The following WAPL variants were observed in gnomAD, a reference collection of about 807,000 sequenced individuals.
WAPL encodes wings apart-like protein homolog.
Under a neutral mutation model 121.0 loss-of-function variants are expected in WAPL, and 5 were observed. The ratio of observed to expected loss-of-function variants is 0.04; its 90% CI spans 0.02 to 0.09. WAPL has a LOEUF of 0.09. Among genes scored for constraint, WAPL ranks in the 10% least tolerant of loss-of-function variants. The pLI, the probability that WAPL is intolerant of heterozygous loss-of-function variation, is 1.00. For missense variants in WAPL, 999 were observed against 1,410.8 expected (o/e 0.71, Z 4.68); for synonymous variants, 480 against 481.5 (o/e 1.00, Z 0.04).
rs1849346914 is a variant in WAPL at position 86,437,284 on chromosome 10, T to C, written c.*259A>G. ...AGGGTATAAACTCTGCCAAAGTAAA[T>C]GTATTTAAATACTGCATGGAATTGT... On this transcript the variant is annotated 3_prime_UTR_variant, in exon 19 of 19. Coordinates refer to ENST00000298767, the MANE Select transcript of WAPL (RefSeq NM_015045.5). 2 of 388,808 alleles carry C rather than the reference T, an allele frequency of 5.1e-6. No individual in the cohort carries two copies. The highest frequency in any genetic ancestry group is 4.6e-5 in the South Asian group (1 of 21,898). 24.1% of individuals were successfully genotyped at this position (388,808 alleles called of 1,614,324 possible).
chr10:86,511,756 C>T (rs1033219664), intron 2 of WAPL, among the ~76,000 whole-genome samples: 2 of 152,104 alleles, frequency 1.3e-5, no homozygotes, highest in Admixed American at 6.5e-5. Flanking sequence ...CATACTGAGA[C>T]ACGGTCTCTA....
Position 86,472,823 on chromosome 10 carries a change from T to C in WAPL, c.1741-59A>G. On this transcript the variant is annotated intron_variant, in intron 5 of 18. Transcript: ENST00000298767. The surrounding 1 kb of genome is among the most constrained non-coding windows in gnomAD (Gnocchi z 4.2). The stretch of plus-strand genomic sequence containing the variant: ...ATAAATATATAAAAATAGGAACGTC[T>C]CATCTATCTGGCAAATTCAGCTTCA... The C allele has an allele frequency of 6.8e-7, 1 of 1,464,960 alleles. No homozygotes were observed. The highest frequency in any genetic ancestry group is 2.5e-5 in the East Asian group (1 of 39,862). The allele number at this position is 1,464,960 out of a possible 1,614,324, so 90.7% of individuals were successfully genotyped here.
In WAPL at chr10:86,435,355, C is replaced by T. The variant is rs934565357; in HGVS notation, c.*2188G>A. 5.2e-5 allele frequency: 8 copies of T among 152,532 alleles called. No homozygotes were observed. Among genetic ancestry groups the T allele is most frequent in the African/African-American group, 1.9e-4 (8 of 41,406 alleles). The allele number at this position is 152,532 out of a possible 1,614,324, so 9.4% of individuals were successfully genotyped here. A position where few individuals can be genotyped will look rare whatever the true frequency, so the allele number is the denominator to read the frequency against. On this transcript the variant is annotated 3_prime_UTR_variant, in exon 19 of 19. Transcript: ENST00000298767. ...ACAAACTATTTTTTCCTGCCGTTGG[C>T]TTTTGCTCCAAAGATCACAGCTGAG...
intron 16 of WAPL, among the ~76,000 whole-genome samples, chr10:86,445,383 G>A (rs1167966689): frequency 6.6e-6 from 1 of 152,178 alleles, no homozygotes; most frequent in Non-Finnish European, 1.5e-5. Context: ...AGGGCGGACT[G>A]AACTTAAATT....
intron 4 of WAPL, among the ~76,000 whole-genome samples, chr10:86,486,165 A>G (rs1330846350): frequency 6.6e-6 from 1 of 152,210 alleles, no homozygotes; most frequent in Non-Finnish European, 1.5e-5. Context: ...CCACATGATG[A>G]CTGGATCTCA....
chr10:86,505,315 T>TTTTTTTTTTTG, intron 2 of WAPL, among the ~76,000 whole-genome samples: 1 of 140,620 alleles, frequency 7.1e-6, no homozygotes. Flanking sequence ...TTTTTTTTTT[T>TTTTTTTTTTTG]TTTTTTTTTT....
At chr10:86,497,697 G>T (rs1329703880) in intron 3 of WAPL, among the ~76,000 whole-genome samples, 1 of 152,124 alleles carries the variant, frequency 6.6e-6, no homozygotes, top group African/African-American at 2.4e-5. Context: ...AACATCATGC[G>T]TATCTACCTG....
chr10:86,514,846 C>A (rs922760303), intron 2 of WAPL, among the ~76,000 whole-genome samples: 1 of 152,228 alleles, frequency 6.6e-6, no homozygotes, highest in Admixed American at 6.5e-5. Context: ...ATGCCCCATT[C>A]CTCAAAAGAC....
At chr10:86,470,372 T>TA (rs1243525458) in intron 8 of WAPL, among the ~76,000 whole-genome samples, 5 of 152,190 alleles carry the variant, frequency 3.3e-5, no homozygotes, top group Non-Finnish European at 7.3e-5. Flanking sequence ...ACCTAATCTG[T>TA]ATTTAGAACA....
chr10:86,444,349 A>G (rs1468362230), intron 16 of WAPL, among the ~76,000 whole-genome samples: 1 of 152,242 alleles, frequency 6.6e-6, no homozygotes, highest in Admixed American at 6.5e-5. Flanking sequence ...TCCTAGGTAT[A>G]AATCCAAAAG....
intron 15 of WAPL, 135 bp from the exon 16 acceptor site, chr10:86,446,584 T>C (rs1849625091): frequency 2.0e-6 from 2 of 1,012,622 alleles, no homozygotes; most frequent in African/African-American, 1.6e-5. Context: ...GAGGTGAGTA[T>C]AAGTAAAAGC....
At chr10:86,458,372 G>A (rs1390132111) in intron 12 of WAPL, among the ~76,000 whole-genome samples, 1 of 152,148 alleles carries the variant, frequency 6.6e-6, no homozygotes, top group Non-Finnish European at 1.5e-5. Context: ...TAATTGTGAT[G>A]AAATGTGGGA....
At chr10:86,484,514 AAAAC>A (rs1313442338) in intron 4 of WAPL, among the ~76,000 whole-genome samples, 2 of 152,202 alleles carry the variant, frequency 1.3e-5, no homozygotes, top group African/African-American at 4.8e-5. Flanking sequence ...CAAAAAGAAA[AAAAC>A]AAGCCATTAC....
At chr10:86,479,343 C>T (rs1421078681) in intron 4 of WAPL, among the ~76,000 whole-genome samples, 6 of 152,096 alleles carry the variant, frequency 3.9e-5, no homozygotes, top group Non-Finnish European at 8.8e-5. Context: ...CTGTAACCTG[C>T]GCCTCCCGGG....
At chr10:86,490,994 C>T (rs988473923) in intron 4 of WAPL, among the ~76,000 whole-genome samples, 5 of 151,236 alleles carry the variant, frequency 3.3e-5, no homozygotes, top group African/African-American at 4.9e-5. Context: ...ACCCAGGAGG[C>T]GGAGGTTGCA....
chr10:86,512,813 A>C (rs763904349), intron 2 of WAPL, among the ~76,000 whole-genome samples: 3 of 152,212 alleles, frequency 2.0e-5, no homozygotes, highest in Non-Finnish European at 4.4e-5. Context: ...AAGATCTGCC[A>C]GATACAACTA....
At chr10:86,483,494 A>G (rs1321170663) in intron 4 of WAPL, among the ~76,000 whole-genome samples, 5 of 152,158 alleles carry the variant, frequency 3.3e-5, no homozygotes, top group Non-Finnish European at 5.9e-5. Flanking sequence ...ACTATTAACA[A>G]TAGCAGTTAC....
intron 3 of WAPL, among the ~76,000 whole-genome samples, chr10:86,499,365 T>C (rs533139503): frequency 6.6e-6 from 1 of 152,232 alleles, no homozygotes; most frequent in East Asian, 1.9e-4. Context: ...AAAACACATT[T>C]AAAGTAGCCC....
chr10:86,489,946 A>G (rs1374376104), intron 4 of WAPL, among the ~76,000 whole-genome samples: 1 of 150,528 alleles, frequency 6.6e-6, no homozygotes, highest in African/African-American at 2.4e-5. Flanking sequence ...TTGGCTTGGC[A>G]CGGTGGGAGG....
Sources: allele counts gnomAD v4.1 joint callset (sites outside exome capture counted in the v4.1 genomes callset), GRCh38; gene constraint gnomAD v4.1.1; non-coding constraint Gnocchi (gnomAD v3.1); transcripts MANE v1.5; gene names NCBI Gene and HGNC (gene_info 2026-07-23, HGNC 2026-07-21).